CA10: variants seen among roughly 807,000 people sequenced by gnomAD.
CA10 encodes the protein carbonic anhydrase 10 (inactive), also known as carbonic anhydrase-related protein 10.
In CA10, 14 loss-of-function variants were observed where a neutral mutation model predicts 44.2. The observed-to-expected ratio is 0.32, with a 90% CI of 0.21 to 0.50. The LOEUF is 0.50. CA10 is among the 20% of genes least tolerant of loss of function. CA10 has a pLI of 0.99. For missense variants in CA10, 350 were observed against 409.7 expected, an observed-to-expected ratio of 0.85 and a Z score of 1.26; for synonymous variants, 159 against 141.6, an observed-to-expected ratio of 1.12 and a Z score of -0.87.
At chr17:52,075,615 T>C (rs1306208414) in intron 1 of CA10, among the ~76,000 whole-genome samples, 1 of 152,202 alleles carries the variant, frequency 6.6e-6, no homozygotes, top group Non-Finnish European at 1.5e-5. Flanking sequence ...ATCTAATATG[T>C]TGCAGAGCAT....
chr17:51,647,942 C>A (rs1292519196), intron 6 of CA10, among the ~76,000 whole-genome samples: 1 of 152,168 alleles, frequency 6.6e-6, no homozygotes, highest in Non-Finnish European at 1.5e-5. Context: ...TCTCCAGGTT[C>A]ATTCCTCAGC....
At position 51,747,703 on chromosome 17, in the gene CA10, C is replaced by T. The variant is rs766628041; in HGVS notation, c.395G>A (p.Arg132Gln). The T allele has an allele frequency of 3.7e-6, 6 of 1,614,154 alleles. No homozygotes were observed. Among genetic ancestry groups the T allele is most frequent in the Middle Eastern group, 1.6e-4 (1 of 6,062 alleles). ...GCTGTCCTCACTCCCAAAGTGTAGT[C>T]GGATCTCCTCCAGCCGGTGGCTGTA... Reference protein sequence around the residue: ...MTYSHRLEEIRLHFGSEDSQG... With the variant: ...MTYSHRLEEIQLHFGSEDSQG... The change falls in exon 4 of 9, where the codon CGA becomes CAA. Residue 132 changes from arginine to glutamine, a missense_variant. Arg to Gln is a conservative substitution (Grantham distance 43). Transcript: ENST00000451037.
At chr17:51,689,809 A>G (rs1915127504) in intron 4 of CA10, among the ~76,000 whole-genome samples, 1 of 152,244 alleles carries the variant, frequency 6.6e-6, no homozygotes. Flanking sequence ...CTGACAAATG[A>G]AAATTCAATA....
intron 2 of CA10, among the ~76,000 whole-genome samples, chr17:52,002,628 TA>T (rs1244648461): frequency 2.0e-5 from 3 of 152,048 alleles, no homozygotes; most frequent in Non-Finnish European, 2.9e-5. Flanking sequence ...TTTCAATGAA[TA>T]ATTTTATTTT....
At chr17:52,140,353 C>G (rs1024036623) in intron 1 of CA10, among the ~76,000 whole-genome samples, 2 of 152,186 alleles carry the variant, frequency 1.3e-5, no homozygotes, top group Non-Finnish European at 2.9e-5. Flanking sequence ...CGGCCTTAGG[C>G]TCTGTTGCAG....
intron 4 of CA10, among the ~76,000 whole-genome samples, chr17:51,663,372 A>G (rs2143320179): frequency 6.6e-6 from 1 of 152,260 alleles, no homozygotes; most frequent in South Asian, 2.1e-4. Flanking sequence ...AGTGGCTGCC[A>G]CCATCCAAGA....
intron 6 of CA10, among the ~76,000 whole-genome samples, chr17:51,647,142 C>T (rs1387158138): frequency 1.3e-5 from 2 of 152,112 alleles, no homozygotes; most frequent in Non-Finnish European, 2.9e-5. Flanking sequence ...AAATGTCTGC[C>T]TGCCTTCTGC....
At chr17:52,143,277 A>G (rs1989519275) in intron 1 of CA10, among the ~76,000 whole-genome samples, 3 of 152,178 alleles carry the variant, frequency 2.0e-5, no homozygotes, top group Admixed American at 2.0e-4. Context: ...CACAAACCAT[A>G]TATTTATCTG....
rs543882921 is a variant in CA10 at position 51,934,548 on chromosome 17, T to C, written c.137-3416A>G. On this transcript the variant is annotated intron_variant, in intron 2 of 8. Transcript: ENST00000451037. ...AGTGCAAAGGTTTGAATCAAACTGC[T>C]TTGAAAGTCAACTATTCTAAATAAA... Among the ~76,000 whole-genome samples, 10 of 152,272 alleles carry C rather than the reference T, an allele frequency of 6.6e-5. No individual in the cohort carries two copies. In the South Asian group the frequency reaches 1.5e-3, roughly 22 times the overall value.
chr17:51,952,583 A>T (rs1211368013), intron 2 of CA10, among the ~76,000 whole-genome samples: 5 of 152,044 alleles, frequency 3.3e-5, no homozygotes, highest in East Asian at 1.9e-4. Flanking sequence ...CTAAAAGAAG[A>T]TCAATAAATT....
intron 2 of CA10, among the ~76,000 whole-genome samples, chr17:52,044,423 C>T (rs935398465): frequency 1.3e-5 from 2 of 152,112 alleles, no homozygotes; most frequent in Admixed American, 6.5e-5. Context: ...CCCACCTCAG[C>T]TTCTCAAATA....
intron 2 of CA10, among the ~76,000 whole-genome samples, chr17:52,004,412 A>G (rs578198392): frequency 2.3e-4 from 35 of 152,104 alleles, no homozygotes; most frequent in Admixed American, 5.2e-4. Flanking sequence ...TACCCAGTTA[A>G]TAAGAAAGTC....
intron 3 of CA10, among the ~76,000 whole-genome samples, chr17:51,760,760 C>T (rs115628608): frequency 5.3e-5 from 8 of 152,138 alleles, no homozygotes; most frequent in Non-Finnish European, 1.2e-4. Flanking sequence ...CCAAAAGAAA[C>T]AGAAGGCAAG....
chr17:52,045,048 G>GA (rs761840330), intron 2 of CA10, among the ~76,000 whole-genome samples: 8 of 151,458 alleles, frequency 5.3e-5, no homozygotes, highest in Non-Finnish European at 1.0e-4. Flanking sequence ...CCAGAACAAA[G>GA]AAAAAATCTT....
At chr17:52,054,862 A>G (rs1186372017) in intron 2 of CA10, among the ~76,000 whole-genome samples, 3 of 152,216 alleles carry the variant, frequency 2.0e-5, no homozygotes, top group Non-Finnish European at 4.4e-5. Flanking sequence ...TAGGGGTAAC[A>G]GATGGGAGAA....
At chr17:51,681,202 A>G (rs1914834138) in intron 4 of CA10, among the ~76,000 whole-genome samples, 1 of 152,344 alleles carries the variant, frequency 6.6e-6, no homozygotes, top group African/African-American at 2.4e-5. Context: ...CTGATCTGCA[A>G]AATGGGTATG....
At chr17:51,741,142 C>T (rs1904446497) in intron 4 of CA10, among the ~76,000 whole-genome samples, 1 of 152,132 alleles carries the variant, frequency 6.6e-6, no homozygotes, top group Non-Finnish European at 1.5e-5. Flanking sequence ...GAACAGTGGC[C>T]AAGTGTTGGC....
intron 3 of CA10, among the ~76,000 whole-genome samples, chr17:51,828,394 A>G (rs1254536267): frequency 6.6e-6 from 1 of 152,162 alleles, no homozygotes; most frequent in Non-Finnish European, 1.5e-5. Context: ...AGCATTTGTT[A>G]AATTGCTTTC....
At chr17:51,778,317 A>T (rs1020070089) in intron 3 of CA10, among the ~76,000 whole-genome samples, 4 of 152,152 alleles carry the variant, frequency 2.6e-5, no homozygotes, top group Non-Finnish European at 5.9e-5. Context: ...GACTCAACTG[A>T]TGGACTGGAG....
Sources: allele counts gnomAD v4.1 joint callset (sites outside exome capture counted in the v4.1 genomes callset), GRCh38; gene constraint gnomAD v4.1.1; transcripts MANE v1.5; gene names NCBI Gene and HGNC (gene_info 2026-07-23, HGNC 2026-07-21).